The following PDE4D variants were observed in gnomAD, a reference collection of about 807,000 sequenced individuals.
The protein encoded by PDE4D is 3',5'-cyclic-AMP phosphodiesterase 4D.
PDE4D carries 24 observed loss-of-function variants against 87.4 expected under a neutral mutation model. That is an observed-to-expected ratio of 0.27 (90% CI 0.20 to 0.39). PDE4D has a LOEUF of 0.39. PDE4D is among the 10% of genes least tolerant of loss of function. The pLI, the probability that PDE4D is intolerant of heterozygous loss-of-function variation, is 1.00. For synonymous variants in PDE4D, 384 were observed against 383.2 expected (o/e 1.00, Z -0.02); for missense variants, 714 against 1,041.0 (o/e 0.69, Z 4.32).
At chr5:59,162,429 G>C (rs1781238457) in intron 5 of PDE4D, among the ~76,000 whole-genome samples, 1 of 151,948 alleles carries the variant, frequency 6.6e-6, no homozygotes, top group Admixed American at 6.6e-5. Context: ...ATTTGACCAA[G>C]GATTGCCTTC....
intron 2 of PDE4D, among the ~76,000 whole-genome samples, chr5:60,119,107 C>T (rs764379092): frequency 6.6e-6 from 1 of 152,162 alleles, no homozygotes; most frequent in Non-Finnish European, 1.5e-5. Context: ...GTCCTTAAAC[C>T]TTGTTGGTCT....
chr5:60,032,292 T>C (rs2152860628), intron 2 of PDE4D, among the ~76,000 whole-genome samples: 1 of 152,328 alleles, frequency 6.6e-6, no homozygotes, highest in East Asian at 1.9e-4. Flanking sequence ...CTCATTTAAT[T>C]TGATCAATGT....
chr5:59,655,020 G>T (rs1338675021), intron 1 of PDE4D, among the ~76,000 whole-genome samples: 2 of 151,766 alleles, frequency 1.3e-5, no homozygotes, highest in Non-Finnish European at 2.9e-5. Flanking sequence ...GTGAACATTT[G>T]TCTATGTATT....
chr5:59,065,063 TATATACAC>T (rs1484591565), intron 5 of PDE4D, among the ~76,000 whole-genome samples: 1,444 of 109,314 alleles, frequency 0.013, 40 homozygotes, highest in East Asian at 0.035. Flanking sequence ...ATGTGATATA[TATATACAC>T]ACACACACAC....
chr5:59,758,094 G>T (rs1240325089), intron 1 of PDE4D, among the ~76,000 whole-genome samples: 1 of 152,172 alleles, frequency 6.6e-6, no homozygotes. Flanking sequence ...TTAGCCCAAA[G>T]GAAGGTAATG....
At chr5:59,937,416 T>C (rs1340156672) in intron 3 of PDE4D, among the ~76,000 whole-genome samples, 4 of 152,212 alleles carry the variant, frequency 2.6e-5, no homozygotes, top group Admixed American at 1.3e-4. Context: ...TAGGTTGTCA[T>C]AACAAAATAC....
At chr5:60,022,375 G>A (rs1439780366) in intron 2 of PDE4D, among the ~76,000 whole-genome samples, 1 of 152,128 alleles carries the variant, frequency 6.6e-6, no homozygotes, top group Non-Finnish European at 1.5e-5. Flanking sequence ...TCCTGTAGAA[G>A]AAATGGGGAA....
chr5:59,418,789 C>T (rs1794044037), intron 1 of PDE4D, among the ~76,000 whole-genome samples: 1 of 152,118 alleles, frequency 6.6e-6, no homozygotes. Flanking sequence ...GCTGGGATTA[C>T]AGGTGCATGC....
chr5:60,410,498 C>A (rs1343625514), intron 1 of PDE4D, among the ~76,000 whole-genome samples: 1 of 152,200 alleles, frequency 6.6e-6, no homozygotes, highest in African/African-American at 2.4e-5. Flanking sequence ...ATTTTTCCTT[C>A]TAATCAGCAG....
In PDE4D at chr5:60,354,943, G is replaced by A. The variant is rs1583506331; in HGVS notation, c.-90+132999C>T. 2.6e-5 allele frequency among the ~76,000 whole-genome samples: 4 copies of A among 152,292 alleles called. No homozygotes were observed. The South Asian group carries it at 8.3e-4, about 32-fold the overall frequency. On this transcript the variant is annotated intron_variant, in intron 1 of 16. Coordinates refer to the PDE4D transcript ENST00000502484. The stretch of plus-strand genomic sequence containing the variant: ...ATAACCAATTTGCAATAAATCATGT[G>A]AGAAGGCAGTGCTGGTGGTAAGGGC...
chr5:59,305,547 C>A (rs1406594070), intron 1 of PDE4D, among the ~76,000 whole-genome samples: 1 of 152,030 alleles, frequency 6.6e-6, no homozygotes, highest in African/African-American at 2.4e-5. Flanking sequence ...GGGCTATGAA[C>A]TTTCCTCTTA....
At chr5:59,681,294 C>T (rs7727677) in intron 1 of PDE4D, among the ~76,000 whole-genome samples, 10,944 of 152,034 alleles carry the variant, frequency 0.072, 1,217 homozygotes, top group African/African-American at 0.24. Flanking sequence ...TGATATTAAC[C>T]AACAATATTA....
At chr5:59,646,427 A>T (rs150368232) in intron 1 of PDE4D, among the ~76,000 whole-genome samples, 1,856 of 152,344 alleles carry the variant, frequency 0.012, 22 homozygotes, top group Middle Eastern at 0.02. Flanking sequence ...CAGAAATATA[A>T]ATAGGCCAAA....
chr5:59,534,111 T>A (rs982764063), intron 1 of PDE4D, among the ~76,000 whole-genome samples: 3 of 152,204 alleles, frequency 2.0e-5, no homozygotes, highest in Admixed American at 6.5e-5. Flanking sequence ...TATTAAGAAA[T>A]GCTTTTCACA....
intron 3 of PDE4D, among the ~76,000 whole-genome samples, chr5:59,951,634 G>A (rs1388185226): frequency 6.6e-6 from 1 of 152,098 alleles, no homozygotes; most frequent in African/African-American, 2.4e-5. Flanking sequence ...ACCACCAAAC[G>A]TTAACATGAC....
intron 1 of PDE4D, among the ~76,000 whole-genome samples, chr5:59,621,380 C>A (rs1156367960): frequency 6.6e-6 from 1 of 152,204 alleles, no homozygotes; most frequent in African/African-American, 2.4e-5. Flanking sequence ...GAATAGGAAG[C>A]CAGCTGAGTT....
At chr5:59,357,404 G>A (rs1407240831) in intron 1 of PDE4D, among the ~76,000 whole-genome samples, 2 of 152,150 alleles carry the variant, frequency 1.3e-5, no homozygotes, top group Non-Finnish European at 2.9e-5. Flanking sequence ...CTTAAAAAGA[G>A]ATGGATATAA....
At chr5:60,017,500 A>C (rs1561983891) in intron 2 of PDE4D, among the ~76,000 whole-genome samples, 1 of 151,770 alleles carries the variant, frequency 6.6e-6, no homozygotes, top group African/African-American at 2.4e-5. Context: ...CCCTTTGTCC[A>C]TGTGTTCTCA....
At chr5:60,297,192 C>T (rs1186023523) in intron 1 of PDE4D, among the ~76,000 whole-genome samples, 1 of 152,034 alleles carries the variant, frequency 6.6e-6, no homozygotes, top group Non-Finnish European at 1.5e-5. Context: ...TAATAAGATT[C>T]AAAATAATTT....
Sources: allele counts gnomAD v4.1 joint callset (sites outside exome capture counted in the v4.1 genomes callset), GRCh38; gene constraint gnomAD v4.1.1; transcripts MANE v1.5; gene names NCBI Gene and HGNC (gene_info 2026-07-23, HGNC 2026-07-21).